DNAH9: variants seen among roughly 807,000 people sequenced by gnomAD.
DNAH9 encodes DNAH9 variant protein.
In DNAH9, 345 loss-of-function variants were observed where a neutral mutation model predicts 471.6. The observed-to-expected ratio is 0.73, with a 90% CI of 0.67 to 0.80. DNAH9 has a LOEUF of 0.80. DNAH9 is among the 30% of genes least tolerant of loss of function. DNAH9 has a pLI of 0.00. For missense variants in DNAH9, 5,407 were observed against 5,609.2 expected (o/e 0.96, Z 1.15); for synonymous variants, 2,093 against 2,123.6 (o/e 0.99, Z 0.40).
At chr17:11,720,265 A>G (rs1281659489) in intron 27 of DNAH9, among the ~76,000 whole-genome samples, 1 of 146,972 alleles carries the variant, frequency 6.8e-6, no homozygotes, top group African/African-American at 2.5e-5. Context: ...TTTTTTAATT[A>G]TACTTTAAGT....
At position 11,690,093 on chromosome 17, in the gene DNAH9, T is replaced by C. The variant is rs1269183973; in HGVS notation, c.4271T>C (p.Val1424Ala). The C allele has an allele frequency of 3.1e-6, 5 of 1,614,030 alleles. No individual in the cohort carries two copies. The highest frequency in any genetic ancestry group is 4.2e-6 in the Non-Finnish European group (5 of 1,180,044). ...HHYEDEVRGI[V>A]DKAAKEMGME... ...TATGAGGATGAGGTCCGGGGCATTGTGGACAAAGCTGCAAAAGAGATGGGT... is the reference window on the plus strand; with the variant it reads ...TATGAGGATGAGGTCCGGGGCATTGCGGACAAAGCTGCAAAAGAGATGGGT... The change falls in exon 20 of 69, where the codon GTG (valine) becomes GCG (alanine). Residue 1424 changes from valine to alanine, a missense_variant. Around this residue, in one of 3 missense-constraint regions of DNAH9, gnomAD observed 4,636 missense variants for 4,900.3 expected, o/e 0.95. Coordinates refer to ENST00000262442, the MANE Select transcript of DNAH9 (RefSeq NM_001372.4).
chr17:11,961,784 A>T (rs1334944405), intron 67 of DNAH9, 83 bp from the exon 68 acceptor site: 17 of 1,483,956 alleles, frequency 1.1e-5, no homozygotes, highest in Non-Finnish European at 1.5e-5. Flanking sequence ...CCTGGGTGCC[A>T]TGAGCCAGGG....
intron 48 of DNAH9, among the ~76,000 whole-genome samples, chr17:11,828,438 A>G (rs553789302): frequency 6.8e-6 from 1 of 146,500 alleles, no homozygotes; most frequent in East Asian, 2.0e-4. Context: ...GCACCATTGC[A>G]CTCCAGCCTG....
intron 59 of DNAH9, among the ~76,000 whole-genome samples, chr17:11,896,658 G>C (rs1355966846): frequency 2.0e-5 from 3 of 152,066 alleles, no homozygotes; most frequent in Admixed American, 2.0e-4. Flanking sequence ...CAGAGAAGTG[G>C]AAACCATCCA....
rs765410698 is a variant in DNAH9 at position 11,875,076 on chromosome 17, T to A, written c.10370T>A (p.Ile3457Asn). The change falls in exon 53 of 69, where the codon ATC becomes AAC. Residue 3457 changes from isoleucine to asparagine, a missense_variant. Physicochemically the swap from Ile to Asn is moderately radical, Grantham distance 149. Coordinates refer to ENST00000262442, the MANE Select transcript of DNAH9 (RefSeq NM_001372.4). ...RMSVENATIL[I>N]NCERWPLMVD... The stretch of plus-strand genomic sequence containing the variant: ...TCCGTGGAGAATGCCACCATTCTCA[T>A]CAACTGTGAGCGCTGGCCACTCATG... 1 of 1,614,154 alleles carries A rather than the reference T, an allele frequency of 6.2e-7. No homozygotes were observed. Among genetic ancestry groups the A allele is most frequent in the South Asian group, 1.1e-5 (1 of 91,088 alleles).
intron 10 of DNAH9, among the ~76,000 whole-genome samples, chr17:11,644,191 G>A (rs868670161): frequency 2.2e-4 from 33 of 152,276 alleles, no homozygotes; most frequent in African/African-American, 7.5e-4. Flanking sequence ...TTATGGGACC[G>A]CAGTCACATA....
At chr17:11,808,600 C>T (rs948673803) in intron 44 of DNAH9, among the ~76,000 whole-genome samples, 8 of 152,162 alleles carry the variant, frequency 5.3e-5, no homozygotes, top group Non-Finnish European at 1.0e-4. Context: ...AGCCCAGCCT[C>T]TCGACGACTG....
chr17:11,745,818 A>C (rs2150841556), intron 31 of DNAH9, among the ~76,000 whole-genome samples: 1 of 152,326 alleles, frequency 6.6e-6, no homozygotes, highest in Admixed American at 6.5e-5. Context: ...TGGGAAGATA[A>C]AGGCAACATC....
At chr17:11,693,566 AT>A (rs1567723488) in intron 20 of DNAH9, among the ~76,000 whole-genome samples, 2 of 152,158 alleles carry the variant, frequency 1.3e-5, no homozygotes, top group Non-Finnish European at 2.9e-5. Flanking sequence ...GTCTAAATGC[AT>A]TAATGAATAT....
chr17:11,864,371 A>T (rs1346490475), intron 50 of DNAH9, among the ~76,000 whole-genome samples: 1 of 152,214 alleles, frequency 6.6e-6, no homozygotes, highest in Non-Finnish European at 1.5e-5. Context: ...GTTTGACTGC[A>T]CTATGGTCTG....
At chr17:11,617,707 T>A in intron 5 of DNAH9, 85 bp downstream of exon 5, 1 of 941,636 alleles carries the variant, frequency 1.1e-6, no homozygotes, top group South Asian at 1.4e-5. Flanking sequence ...AGTGTCCTTT[T>A]TTCTGGGCGA....
intron 51 of DNAH9, 77 bp downstream of exon 51, chr17:11,869,330 T>G: frequency 6.3e-7 from 1 of 1,576,036 alleles, no homozygotes; most frequent in Admixed American, 1.7e-5. Context: ...GCAAGATAGA[T>G]GAGCACAGCA....
chr17:11,927,165 G>A (rs1229079404), intron 62 of DNAH9, among the ~76,000 whole-genome samples: 1 of 152,092 alleles, frequency 6.6e-6, no homozygotes, highest in Admixed American at 6.6e-5. Flanking sequence ...TATTAGACTT[G>A]TGTCAGGTCT....
chr17:11,857,850 C>T (rs1210730938), intron 50 of DNAH9, among the ~76,000 whole-genome samples: 1 of 152,130 alleles, frequency 6.6e-6, no homozygotes, highest in Non-Finnish European at 1.5e-5. Flanking sequence ...CTTGCTCCTG[C>T]TCTGGCCATA....
rs998731065 is a variant in DNAH9, at chr17:11,599,035, G to A, written c.417+120G>A. ...CGAAGCTGCAGGGGAGGTCCAAGAGGCGGAGTGATAGGCAGAGGGGCGAGG... is the reference window on the plus strand; with the variant it reads ...CGAAGCTGCAGGGGAGGTCCAAGAGACGGAGTGATAGGCAGAGGGGCGAGG... On this transcript the variant is annotated intron_variant, in intron 1 of 68. Transcript: ENST00000262442. 1.6e-5 allele frequency: 14 copies of A among 862,818 alleles called. No individual in the cohort carries two copies. In the African/African-American group the frequency reaches 2.2e-4, roughly 13 times the overall value. 53.4% of individuals were successfully genotyped at this position (862,818 alleles called of 1,614,324 possible).
chr17:11,738,897 T>A lies in DNAH9; in HGVS notation c.5832T>A (p.Asp1944Glu). The A allele has an allele frequency of 6.2e-7, 1 of 1,614,090 alleles. No individual in the cohort carries two copies. The highest frequency in any genetic ancestry group is 8.5e-7 in the Non-Finnish European group (1 of 1,179,996). The change falls in exon 29 of 69, where the codon GAT becomes GAA. Residue 1944 changes from aspartate (D) to glutamate (E), a missense_variant. Physicochemically the swap from Asp to Glu is conservative, Grantham distance 45. This residue lies in a region of DNAH9 where 4,636 missense variants were observed against 4,900.3 expected (regional missense o/e 0.95). Coordinates refer to ENST00000262442, the MANE Select transcript of DNAH9 (RefSeq NM_001372.4). The stretch of plus-strand genomic sequence containing the variant: ...TTCACCAGGTAAAAAGCATTCAAGA[T>A]GCGATTAGAGATAAGAAGCAGTGGT... Reference protein sequence around the residue: ...VVAVQVKSIQDAIRDKKQWFS... With the variant: ...VVAVQVKSIQEAIRDKKQWFS...
At chr17:11,770,671 A>G (rs896898815) in intron 38 of DNAH9, among the ~76,000 whole-genome samples, 2 of 152,232 alleles carry the variant, frequency 1.3e-5, no homozygotes, top group Admixed American at 6.5e-5. Flanking sequence ...AGCAACAAAG[A>G]TTTACATCAG....
At chr17:11,705,320 C>G in intron 26 of DNAH9, 135 bp downstream of exon 26, 2 of 719,582 alleles carry the variant, frequency 2.8e-6, no homozygotes, top group East Asian at 2.7e-5. Flanking sequence ...CTCAACACAG[C>G]CTGTTTAAAG....
In DNAH9 at chr17:11,886,808, G is replaced by C. The variant is rs544570949; in HGVS notation, c.10972-17G>C. On this transcript the variant is annotated splice_polypyrimidine_tract_variant and intron_variant, in intron 56 of 68. Transcript: ENST00000262442. ...AGGTTGGTTGGAACAGTGGGCTGCTGTTTATTTTTCCAACAGGTCCAGGAG... is the reference window on the plus strand; with the variant it reads ...AGGTTGGTTGGAACAGTGGGCTGCTCTTTATTTTTCCAACAGGTCCAGGAG... 1 of 1,602,648 alleles carries C rather than the reference G, an allele frequency of 6.2e-7. No individual in the cohort carries two copies. The highest frequency in any genetic ancestry group is 1.3e-5 in the African/African-American group (1 of 74,816).
Sources: gnomAD v4.1 joint callset for allele counts (sites outside exome capture counted in the v4.1 genomes callset) on GRCh38, gnomAD v4.1.1 for gene constraint, gnomAD v4.1.1 regional missense constraint, MANE v1.5 for transcripts, NCBI Gene and HGNC (gene_info 2026-07-23, HGNC 2026-07-21) for gene names.